Variants in SLC4A4 observed in about 807,000 individuals in gnomAD.
The protein encoded by SLC4A4 is solute carrier family 4 member 4.
A neutral mutation model predicts 111.5 loss-of-function variants in SLC4A4; 27 were observed. That is an observed-to-expected ratio of 0.24 (90% CI 0.18 to 0.33). SLC4A4 has a LOEUF of 0.33. Among genes scored for constraint, SLC4A4 ranks in the 10% least tolerant of loss-of-function variants. The pLI, the probability that SLC4A4 is intolerant of heterozygous loss-of-function variation, is 1.00. For synonymous variants in SLC4A4, 443 were observed against 463.4 expected, an observed-to-expected ratio of 0.96 and a Z score of 0.57; for missense variants, 909 against 1,315.5, an observed-to-expected ratio of 0.69 and a Z score of 4.78.
chr4:71,158,895 T>C (rs1209661520), intron 2 of SLC4A4, among the ~76,000 whole-genome samples: 1 of 152,186 alleles, frequency 6.6e-6, no homozygotes, highest in East Asian at 1.9e-4. Context: ...AAGAGAGTGC[T>C]GAAGTGGCGT....
intron 1 of SLC4A4, among the ~76,000 whole-genome samples, chr4:71,231,597 T>C (rs1386333628): frequency 5.3e-5 from 8 of 152,226 alleles, no homozygotes; most frequent in Non-Finnish European, 7.3e-5. Context: ...GAAGGCATTA[T>C]TGGCCCTGAG....
At chr4:71,526,769 A>G (rs1336061329) in intron 16 of SLC4A4, among the ~76,000 whole-genome samples, 1 of 152,080 alleles carries the variant, frequency 6.6e-6, no homozygotes, top group Non-Finnish European at 1.5e-5. Flanking sequence ...AGGTGTGGGC[A>G]GGACTGCATT....
intron 21 of SLC4A4, among the ~76,000 whole-genome samples, chr4:71,555,655 A>G (rs1560617812): frequency 6.6e-6 from 1 of 151,938 alleles, no homozygotes; most frequent in Non-Finnish European, 1.5e-5. Flanking sequence ...TTTTACCAAT[A>G]AAAGAATAAA....
At chr4:71,140,420 C>A (rs1259027470) in intron 2 of SLC4A4, among the ~76,000 whole-genome samples, 1 of 151,884 alleles carries the variant, frequency 6.6e-6, no homozygotes, top group Non-Finnish European at 1.5e-5. Flanking sequence ...GACCCTGTTG[C>A]AAAAACAAAA....
chr4:71,363,709 C>T (rs1731002271), intron 6 of SLC4A4, among the ~76,000 whole-genome samples: 1 of 152,206 alleles, frequency 6.6e-6, no homozygotes, highest in African/African-American at 2.4e-5. Flanking sequence ...TTAACTCTTT[C>T]CCAAAAGCAA....
At chr4:71,187,212 C>G (rs957791478), upstream of SLC4A4, 1 of 152,154 alleles carries the variant, frequency 6.6e-6, no homozygotes, top group Non-Finnish European at 1.5e-5. Context: ...CGCCGCGTCC[C>G]GGGCTCGCGC....
At chr4:71,307,180 T>C (rs1215253922) in intron 3 of SLC4A4, among the ~76,000 whole-genome samples, 2 of 152,236 alleles carry the variant, frequency 1.3e-5, no homozygotes, top group Non-Finnish European at 1.5e-5. Context: ...AAATATGTGC[T>C]TAATGCTGCC....
intron 6 of SLC4A4, among the ~76,000 whole-genome samples, chr4:71,365,606 A>G (rs905034389): frequency 6.6e-6 from 1 of 152,250 alleles, no homozygotes. Context: ...CTGTATCCAT[A>G]GAAATACAAA....
At chr4:71,477,575 T>G (rs750156996) in intron 14 of SLC4A4, among the ~76,000 whole-genome samples, 43 of 151,762 alleles carry the variant, frequency 2.8e-4, no homozygotes, top group Admixed American at 5.9e-4. Flanking sequence ...TTGCATTGAA[T>G]CTCGAGGCTA....
intron 2 of SLC4A4, among the ~76,000 whole-genome samples, chr4:71,174,621 T>C (rs1745033471): frequency 2.0e-5 from 3 of 152,188 alleles, no homozygotes; most frequent in African/African-American, 4.8e-5. Flanking sequence ...AGGAAATATG[T>C]AAAAATATGA....
intron 2 of SLC4A4, among the ~76,000 whole-genome samples, chr4:71,168,969 C>A (rs968935517): frequency 3.3e-5 from 5 of 152,054 alleles, no homozygotes; most frequent in Middle Eastern, 3.4e-3. Context: ...GGGGTATATA[C>A]CTAGGAGTGG....
chr4:71,422,808 C>T (rs566537782), intron 7 of SLC4A4, among the ~76,000 whole-genome samples: 102 of 152,252 alleles, frequency 6.7e-4, no homozygotes, highest in Non-Finnish European at 1.2e-3. Flanking sequence ...TGAAAACTCT[C>T]AATAAATTAG....
chr4:71,474,117 C>CA (rs55943109), intron 14 of SLC4A4, among the ~76,000 whole-genome samples: 1,960 of 121,288 alleles, frequency 0.016, 16 homozygotes, highest in Non-Finnish European at 0.021. Context: ...AAGACCCTGT[C>CA]AAAAAAAAAA....
At chr4:71,190,012 T>C (rs1745657290) in intron 1 of SLC4A4, among the ~76,000 whole-genome samples, 1 of 152,228 alleles carries the variant, frequency 6.6e-6, no homozygotes, top group South Asian at 2.1e-4. Context: ...CAGTTGATGC[T>C]GTTTCCAAGG....
intron 16 of SLC4A4, among the ~76,000 whole-genome samples, chr4:71,504,761 G>A (rs1231730685): frequency 6.6e-6 from 1 of 151,300 alleles, no homozygotes; most frequent in Non-Finnish European, 1.5e-5. Context: ...TATACAGGAT[G>A]TGCAGGTTTG....
At chr4:71,181,173 C>T (rs1219687238) in intron 2 of SLC4A4, among the ~76,000 whole-genome samples, 2 of 132,814 alleles carry the variant, frequency 1.5e-5, no homozygotes, top group Admixed American at 1.8e-4. Context: ...AATGAGAACA[C>T]ATGGACACAG....
chr4:71,078,823 T>C (rs1741915825), intron 1 of SLC4A4, among the ~76,000 whole-genome samples: 1 of 151,924 alleles, frequency 6.6e-6, no homozygotes, highest in Non-Finnish European at 1.5e-5. Flanking sequence ...TTATTGTTTG[T>C]TTGTTTTTTT....
chr4:71,473,059 T>C (rs1325672456), intron 14 of SLC4A4, 89 bp downstream of exon 14: 3 of 1,392,386 alleles, frequency 2.2e-6, no homozygotes, highest in Non-Finnish European at 3.1e-6. Flanking sequence ...CATGCTGTCA[T>C]GGTCCTCAGG....
intron 16 of SLC4A4, among the ~76,000 whole-genome samples, chr4:71,522,501 C>A (rs1229341286): frequency 6.6e-6 from 1 of 152,078 alleles, no homozygotes; most frequent in Non-Finnish European, 1.5e-5. Flanking sequence ...AAAATGAAAA[C>A]CATAGTTTAA....
Sources: allele counts gnomAD v4.1 joint callset (sites outside exome capture counted in the v4.1 genomes callset), GRCh38; gene constraint gnomAD v4.1.1; transcripts MANE v1.5; gene names NCBI Gene and HGNC (gene_info 2026-07-23, HGNC 2026-07-21).